The following POU2AF1 variants were observed in gnomAD, a reference collection of about 807,000 sequenced individuals.
POU2AF1 encodes the protein POU class 2 homeobox associating factor 1.
POU2AF1 carries 12 observed loss-of-function variants against 26.3 expected under a neutral mutation model. The ratio of observed to expected loss-of-function variants is 0.46; its 90% CI spans 0.29 to 0.74. The LOEUF (loss-of-function observed/expected upper bound fraction) is 0.74. Ranked by LOEUF, POU2AF1 falls within the 30% of genes least tolerant of loss-of-function variation. The pLI, the probability that POU2AF1 is intolerant of heterozygous loss-of-function variation, is 0.09. For synonymous variants in POU2AF1, 175 were observed against 148.0 expected (o/e 1.18, Z -1.32); for missense variants, 297 against 334.5 (o/e 0.89, Z 0.87).
Position 111,353,191 on chromosome 11 carries a change from CA to C in POU2AF1, c.*1069del. ...GAAATGGCCGACCAAACACACCCTT[CA>C]CCCTGTTTACAACAGCCCAACTTCC... On this transcript the variant is annotated 3_prime_UTR_variant, in exon 5 of 5. Coordinates refer to ENST00000393067, the MANE Select transcript of POU2AF1 (RefSeq NM_006235.3). The C allele has an allele frequency of 4.3e-6, 1 of 233,230 alleles. No homozygotes were observed. The highest frequency in any genetic ancestry group is 6.0e-5 in the East Asian group (1 of 16,554). 14.4% of individuals were successfully genotyped at this position (233,230 alleles called of 1,614,324 possible).
chr11:111,379,273 C>T lies in POU2AF1; in HGVS notation c.-96G>A. Reference sequence around the variant, plus strand: ...GTGTTTTCCTCCAGTGGAGCCACCGCTTGAGCTGAGGCTGTTTCCTGGGCT... The same window carrying T: ...GTGTTTTCCTCCAGTGGAGCCACCGTTTGAGCTGAGGCTGTTTCCTGGGCT... On this transcript the variant is annotated 5_prime_UTR_variant, in exon 1 of 5. Transcript: ENST00000393067. The T allele has an allele frequency of 1.3e-6, 2 of 1,511,684 alleles. No individual in the cohort carries two copies. Among genetic ancestry groups the T allele is most frequent in the Non-Finnish European group, 9.2e-7 (1 of 1,086,902 alleles). 93.6% of individuals were successfully genotyped at this position (1,511,684 alleles called of 1,614,324 possible).
At chr11:111,355,147 G>A (rs1442153333) in intron 4 of POU2AF1, among the ~76,000 whole-genome samples, 1 of 152,126 alleles carries the variant, frequency 6.6e-6, no homozygotes, top group Non-Finnish European at 1.5e-5. Context: ...GGGGAGGCCT[G>A]GCCATCCCCA....
chr11:111,372,369 A>C (rs540809677), intron 1 of POU2AF1, among the ~76,000 whole-genome samples: 1 of 151,928 alleles, frequency 6.6e-6, no homozygotes, highest in Admixed American at 6.6e-5. Context: ...AGTAAATGTT[A>C]AACAAAATGG....
At chr11:111,368,136 G>A (rs1248062619) in intron 1 of POU2AF1, among the ~76,000 whole-genome samples, 1 of 152,214 alleles carries the variant, frequency 6.6e-6, no homozygotes, top group African/African-American at 2.4e-5. Context: ...TACAAACTGT[G>A]ACAGAGCTGC....
chr11:111,377,588 G>A (rs370204569), intron 1 of POU2AF1, among the ~76,000 whole-genome samples: 4 of 152,146 alleles, frequency 2.6e-5, no homozygotes, highest in African/African-American at 9.7e-5. Context: ...GTGTGGATAT[G>A]ATTTTTACCC....
At chr11:111,360,390 T>C (rs1860982593) in intron 1 of POU2AF1, among the ~76,000 whole-genome samples, 1 of 152,204 alleles carries the variant, frequency 6.6e-6, no homozygotes, top group South Asian at 2.1e-4. Context: ...TAAGGTCCCA[T>C]GCCTGACTCG....
chr11:111,374,116 ATTTTTT>A (rs60260380), intron 1 of POU2AF1, among the ~76,000 whole-genome samples: 2 of 109,648 alleles, frequency 1.8e-5, no homozygotes, highest in Non-Finnish European at 3.7e-5. Context: ...GGCAAACTTG[ATTTTTT>A]TTTTTTTTTT....
intron 1 of POU2AF1, among the ~76,000 whole-genome samples, chr11:111,361,215 G>C (rs1419428359): frequency 6.6e-6 from 1 of 152,086 alleles, no homozygotes; most frequent in African/African-American, 2.4e-5. Context: ...GGGAAGACAA[G>C]CAACAAAAGT....
intron 1 of POU2AF1, 80 bp downstream of exon 1, chr11:111,379,082 C>G: frequency 1.3e-6 from 2 of 1,591,776 alleles, no homozygotes; most frequent in Middle Eastern, 1.8e-4. Flanking sequence ...ACCACCAGCT[C>G]CCCAATTCCA....
intron 2 of POU2AF1, among the ~76,000 whole-genome samples, chr11:111,358,390 TCC>T (rs1191948320): frequency 0.041 from 2,036 of 49,620 alleles, 52 homozygotes; most frequent in African/African-American, 0.092. Flanking sequence ...TCACACACAC[TCC>T]CTCACACACA....
At chr11:111,358,695 TA>T in intron 2 of POU2AF1, 92 bp downstream of exon 2, 4 of 913,422 alleles carry the variant, frequency 4.4e-6, no homozygotes, top group Non-Finnish European at 4.7e-6. Context: ...CGCATACACA[TA>T]CTCACACACA....
In POU2AF1 at chr11:111,352,993, A is replaced by AAAGAAAGAAG. The variant is rs1565357083; in HGVS notation, c.*1267_*1268insCTTCTTTCTT. On this transcript the variant is annotated 3_prime_UTR_variant, in exon 5 of 5. Coordinates refer to ENST00000393067, the MANE Select transcript of POU2AF1 (RefSeq NM_006235.3). ...AGGAAGGAAGGAAGGAAGGAAGGAA[A>AAAGAAAGAAG]GAAGGAAGGAAGGAAGGAAGGAAGG... is the stretch of plus-strand genomic sequence containing the variant. 1.4e-5 allele frequency: 1 copy of AAAGAAAGAAG among 71,056 alleles called. No individual in the cohort carries two copies. Among genetic ancestry groups the AAAGAAAGAAG allele is most frequent in the Non-Finnish European group, 2.8e-5 (1 of 35,592 alleles). The allele number at this position is 71,056 out of a possible 1,614,324, so 4.4% of individuals were successfully genotyped here.
In POU2AF1 at chr11:111,353,544, C is replaced by T. The variant is rs977928865; in HGVS notation, c.*717G>A. ...TTGCTGCCTGGACTGTAAATCTGGCCGAGGCTGAGAAGAGCAAACAAAGGA... is the reference window on the plus strand; with the variant it reads ...TTGCTGCCTGGACTGTAAATCTGGCTGAGGCTGAGAAGAGCAAACAAAGGA... On this transcript the variant is annotated 3_prime_UTR_variant, in exon 5 of 5. Transcript: ENST00000393067. The T allele has an allele frequency of 3.9e-5, 9 of 233,394 alleles. No individual in the cohort carries two copies. The highest frequency in any genetic ancestry group is 1.8e-4 in the South Asian group (1 of 5,524). 14.5% of individuals were successfully genotyped at this position (233,394 alleles called of 1,614,324 possible).
intron 4 of POU2AF1, 103 bp downstream of exon 4, chr11:111,357,342 T>C (rs1196270183): frequency 7.9e-6 from 12 of 1,513,980 alleles, no homozygotes; most frequent in Non-Finnish European, 8.2e-6. Context: ...CCTGATTATC[T>C]TGAGAATCAA....
In POU2AF1 at chr11:111,358,935, C is replaced by A. The variant is rs1386220332; in HGVS notation, c.17-17G>T. On this transcript the variant is annotated splice_polypyrimidine_tract_variant and intron_variant, in intron 1 of 4. Transcript: ENST00000393067. ...GAGCTGTGGCTGTGAAAAGCAATGT[C>A]CCTGGAGCCCATGGTCCTTCTCAGA... is the stretch of plus-strand genomic sequence containing the variant. The A allele has an allele frequency of 3.1e-6, 5 of 1,591,644 alleles. No homozygotes were observed. The highest frequency in any genetic ancestry group is 4.3e-6 in the Non-Finnish European group (5 of 1,174,152).
At chr11:111,376,443 T>G (rs1260292550) in intron 1 of POU2AF1, among the ~76,000 whole-genome samples, 1 of 152,164 alleles carries the variant, frequency 6.6e-6, no homozygotes, top group African/African-American at 2.4e-5. Flanking sequence ...ATGGAGTGAC[T>G]TCTTCATCCA....
chr11:111,365,800 TG>T (rs1861094036), intron 1 of POU2AF1, among the ~76,000 whole-genome samples: 1 of 150,644 alleles, frequency 6.6e-6, no homozygotes, highest in South Asian at 2.1e-4. Context: ...GAGGTTGCAG[TG>T]AGCCAAGATC....
chr11:111,358,403 T>TCTC (rs1565360747), intron 2 of POU2AF1, among the ~76,000 whole-genome samples: 15 of 22,070 alleles, frequency 6.8e-4, no homozygotes, highest in Non-Finnish European at 1.2e-3. Flanking sequence ...CTCACACACA[T>TCTC]ACTCTCTCAC....
intron 1 of POU2AF1, among the ~76,000 whole-genome samples, chr11:111,370,534 G>T (rs929869335): frequency 4.6e-5 from 7 of 152,094 alleles, no homozygotes; most frequent in Non-Finnish European, 8.8e-5. Flanking sequence ...ATATAGTTAT[G>T]GTGCCTGCAG....
Sources: allele counts gnomAD v4.1 joint callset (sites outside exome capture counted in the v4.1 genomes callset), GRCh38; gene constraint gnomAD v4.1.1; transcripts MANE v1.5; gene names NCBI Gene and HGNC (gene_info 2026-07-23, HGNC 2026-07-21).